Variants in OR9Q1 observed in about 807,000 individuals in gnomAD.
The protein encoded by OR9Q1 is olfactory receptor 9Q1.
For synonymous variants in OR9Q1, 153 were observed against 148.6 expected, an observed-to-expected ratio of 1.03 and a Z score of -0.22; for missense variants, 374 against 378.8, an observed-to-expected ratio of 0.99 and a Z score of 0.11.
intron 2 of OR9Q1, among the ~76,000 whole-genome samples, chr11:58,133,198 A>G (rs1314792035): frequency 4.6e-5 from 7 of 152,312 alleles, no homozygotes; most frequent in Admixed American, 4.6e-4. Context: ...TTCCTCTAAC[A>G]TAAAATGGGT....
chr11:58,042,497 T>C (rs562599806), intron 1 of OR9Q1, among the ~76,000 whole-genome samples: 159 of 151,818 alleles, frequency 1.0e-3, no homozygotes, highest in Non-Finnish European at 1.9e-3. Context: ...TCCGTTCCAT[T>C]GATCTATATC....
At chr11:58,083,653 G>A (rs1853609526) in intron 2 of OR9Q1, among the ~76,000 whole-genome samples, 1 of 148,996 alleles carries the variant, frequency 6.7e-6, no homozygotes, top group South Asian at 2.1e-4. Context: ...AAAGGTAAGG[G>A]TCCAGTTTCA....
intron 2 of OR9Q1, among the ~76,000 whole-genome samples, chr11:58,098,278 T>G (rs142918891): frequency 6.6e-6 from 1 of 152,290 alleles, no homozygotes; most frequent in East Asian, 1.9e-4. Flanking sequence ...ATATGACTCT[T>G]TAACAGATAT....
At chr11:58,154,723 T>C (rs1391674390) in intron 2 of OR9Q1, among the ~76,000 whole-genome samples, 2 of 152,210 alleles carry the variant, frequency 1.3e-5, no homozygotes, top group Middle Eastern at 3.2e-3. Context: ...ACCCCATTAA[T>C]GTGTACAATT....
chr11:58,108,959 C>A (rs1280620898), intron 2 of OR9Q1: 1 of 395,584 alleles, frequency 2.5e-6, no homozygotes, highest in Non-Finnish European at 5.1e-6. Context: ...AAGGTCTTGG[C>A]TTACCCACCT....
intron 2 of OR9Q1, among the ~76,000 whole-genome samples, chr11:58,132,102 C>G (rs946755266): frequency 6.6e-6 from 1 of 152,164 alleles, no homozygotes; most frequent in Non-Finnish European, 1.5e-5. Context: ...ATATAACTCA[C>G]TTAAATCCAC....
intron 2 of OR9Q1, among the ~76,000 whole-genome samples, chr11:58,128,568 C>T (rs1334951557): frequency 6.6e-6 from 1 of 151,886 alleles, no homozygotes; most frequent in African/African-American, 2.4e-5. Flanking sequence ...AGATCTATCG[C>T]GTTATAAAGA....
At chr11:58,178,895 TTATA>T (rs1025494199) in intron 2 of OR9Q1, among the ~76,000 whole-genome samples, 5 of 108,438 alleles carry the variant, frequency 4.6e-5, no homozygotes, top group Admixed American at 9.8e-5. Context: ...ATATATATAT[TTATA>T]TATTATATAT....
At chr11:58,069,686 C>T (rs1327698939) in intron 2 of OR9Q1, among the ~76,000 whole-genome samples, 1 of 151,940 alleles carries the variant, frequency 6.6e-6, no homozygotes, top group African/African-American at 2.4e-5. Flanking sequence ...CCAGCCTTGG[C>T]AACATGGTGA....
intron 2 of OR9Q1, among the ~76,000 whole-genome samples, chr11:58,121,564 C>T (rs1020094255): frequency 2.0e-5 from 3 of 152,204 alleles, no homozygotes; most frequent in African/African-American, 7.2e-5. Flanking sequence ...TCTCCAGATT[C>T]CATTATCCTA....
chr11:58,126,572 A>G (rs4939184), intron 2 of OR9Q1, among the ~76,000 whole-genome samples: 3 of 152,222 alleles, frequency 2.0e-5, no homozygotes, highest in African/African-American at 7.2e-5. Context: ...AGTTGATACA[A>G]GAATATATTA....
chr11:58,165,967 T>C (rs1403006229), intron 2 of OR9Q1, among the ~76,000 whole-genome samples: 1 of 152,202 alleles, frequency 6.6e-6, no homozygotes, highest in African/African-American at 2.4e-5. Flanking sequence ...TTCTCTACAT[T>C]TACAAATTTC....
At chr11:58,099,951 T>G (rs567935195) in intron 2 of OR9Q1, among the ~76,000 whole-genome samples, 1 of 152,318 alleles carries the variant, frequency 6.6e-6, no homozygotes, top group South Asian at 2.1e-4. Flanking sequence ...ACTCCCAAAT[T>G]TAGTTACTTA....
At chr11:58,095,366 C>G (rs1853720212) in intron 2 of OR9Q1, among the ~76,000 whole-genome samples, 1 of 152,190 alleles carries the variant, frequency 6.6e-6, no homozygotes, top group African/African-American at 2.4e-5. Context: ...ATTAGCCCTC[C>G]CTAGATCCTT....
At chr11:58,063,132 C>T (rs1023595800) in intron 2 of OR9Q1, among the ~76,000 whole-genome samples, 1 of 152,172 alleles carries the variant, frequency 6.6e-6, no homozygotes, top group African/African-American at 2.4e-5. Context: ...GGAGCAGTTT[C>T]ATATAGGGCA....
intron 2 of OR9Q1, chr11:58,119,335 A>G: frequency 1.2e-6 from 2 of 1,613,828 alleles, no homozygotes; most frequent in Non-Finnish European, 1.7e-6. Flanking sequence ...AAGAAGGGTG[A>G]CTAGGTAGAA....
chr11:58,129,278 T>TGTGTGTA (rs1854118620), intron 2 of OR9Q1, among the ~76,000 whole-genome samples: 1 of 150,698 alleles, frequency 6.6e-6, no homozygotes, highest in African/African-American at 2.4e-5. Context: ...TGTGTGTAAG[T>TGTGTGTA]AGAACACTAG....
intron 2 of OR9Q1, among the ~76,000 whole-genome samples, chr11:58,134,388 A>G (rs1394266159): frequency 6.6e-6 from 1 of 152,032 alleles, no homozygotes; most frequent in Non-Finnish European, 1.5e-5. Flanking sequence ...AACCTTTCCC[A>G]TTGGCTCTTT....
intron 1 of OR9Q1, chr11:58,026,801 C>T (rs542910342): frequency 7.3e-5 from 11 of 151,496 alleles, no homozygotes; most frequent in African/African-American, 1.2e-4. Flanking sequence ...TATATGATGC[C>T]GAAGTGAGTA....
Sources: gnomAD v4.1 joint callset for allele counts (sites outside exome capture counted in the v4.1 genomes callset) on GRCh38, gnomAD v4.1.1 for gene constraint, MANE v1.5 for transcripts, NCBI Gene and HGNC (gene_info 2026-07-23, HGNC 2026-07-21) for gene names.